Variants in VAV3 observed in about 807,000 individuals in gnomAD.
The protein encoded by VAV3 is vav guanine nucleotide exchange factor 3.
Under a neutral mutation model 131.2 loss-of-function variants are expected in VAV3, and 94 were observed. That is an observed-to-expected ratio of 0.72 (90% CI 0.61 to 0.85). The LOEUF is 0.85. Ranked by LOEUF, VAV3 falls within the 40% of genes least tolerant of loss-of-function variation. The probability of loss-of-function intolerance (pLI) is 0.00; values close to 1 mark genes in which losing one functional copy is unlikely to be tolerated. For synonymous variants in VAV3, 349 were observed against 342.0 expected (o/e 1.02, Z -0.22); for missense variants, 939 against 1,002.7 (o/e 0.94, Z 0.86).
At chr1:107,891,817 G>A (rs956261752) in intron 1 of VAV3, among the ~76,000 whole-genome samples, 3 of 141,428 alleles carry the variant, frequency 2.1e-5, no homozygotes, top group African/African-American at 8.0e-5. Context: ...CCAGCCTGGG[G>A]GACACAGCAA....
intron 11 of VAV3, among the ~76,000 whole-genome samples, chr1:107,756,981 T>C (rs184930692): frequency 6.6e-6 from 1 of 152,226 alleles, no homozygotes; most frequent in East Asian, 1.9e-4. Context: ...TTTAATATAC[T>C]TCTTAGTTTT....
At chr1:107,768,033 G>A (rs1664829836) in intron 7 of VAV3, among the ~76,000 whole-genome samples, 1 of 152,132 alleles carries the variant, frequency 6.6e-6, no homozygotes, top group Admixed American at 6.5e-5. Context: ...AAGATGTGGA[G>A]GAATGGAGGA....
intron 25 of VAV3, chr1:107,578,985 T>C: frequency 1.1e-6 from 1 of 885,486 alleles, no homozygotes; most frequent in Non-Finnish European, 1.4e-6. Context: ...AACCTATCTG[T>C]AATCTTAAAA....
At position 107,760,099 on chromosome 1, in the gene VAV3, C is replaced by T. The variant is rs554174353; in HGVS notation, c.1017+685G>A. 2.1e-4 allele frequency among the ~76,000 whole-genome samples: 32 copies of T among 152,172 alleles called. No homozygotes were observed. The East Asian group carries it at 2.5e-3, about 12-fold the overall frequency. ...ATATACAAGATATACAAAGCACAGC[C>T]GACGCAAAATTGTATTTCACATACA... On this transcript the variant is annotated intron_variant, in intron 10 of 26. Transcript: ENST00000370056.
chr1:107,604,036 A>G (rs1416744376), intron 22 of VAV3, among the ~76,000 whole-genome samples: 2 of 146,372 alleles, frequency 1.4e-5, no homozygotes, highest in Non-Finnish European at 1.5e-5. Flanking sequence ...AACTGTAATA[A>G]TAAAAGGCCA....
chr1:107,738,395 T>C (rs942217415), intron 15 of VAV3, among the ~76,000 whole-genome samples: 1 of 152,166 alleles, frequency 6.6e-6, no homozygotes, highest in Non-Finnish European at 1.5e-5. Flanking sequence ...CTTTTTACAA[T>C]GCAAACTTCA....
chr1:107,940,144 G>A (rs1399522804), intron 1 of VAV3, among the ~76,000 whole-genome samples: 1 of 152,186 alleles, frequency 6.6e-6, no homozygotes, highest in Non-Finnish European at 1.5e-5. Flanking sequence ...GGGTAGAATT[G>A]TAGAGGTTTT....
At chr1:107,689,872 T>C (rs1015073387) in intron 17 of VAV3, among the ~76,000 whole-genome samples, 5 of 152,194 alleles carry the variant, frequency 3.3e-5, no homozygotes, top group African/African-American at 9.7e-5. Context: ...TAGGGGAATT[T>C]GGGTTCTTGA....
chr1:107,796,645 T>C (rs1666560329), intron 2 of VAV3, among the ~76,000 whole-genome samples: 1 of 152,064 alleles, frequency 6.6e-6, no homozygotes, highest in African/African-American at 2.4e-5. Context: ...TAAATAAGGA[T>C]CAAATATTTG....
At chr1:107,757,001 C>G (rs562111889) in intron 11 of VAV3, among the ~76,000 whole-genome samples, 2 of 150,906 alleles carry the variant, frequency 1.3e-5, no homozygotes, top group African/African-American at 4.9e-5. Flanking sequence ...TATGCGTTGT[C>G]TAACAATTAA....
intron 24 of VAV3, among the ~76,000 whole-genome samples, chr1:107,596,735 CA>C (rs1370679210): frequency 6.6e-6 from 1 of 152,158 alleles, no homozygotes; most frequent in East Asian, 1.9e-4. Flanking sequence ...GAATATACAG[CA>C]ATTTCTACTT....
chr1:107,894,019 T>C (rs1272608743), intron 1 of VAV3, among the ~76,000 whole-genome samples: 2 of 152,174 alleles, frequency 1.3e-5, no homozygotes, highest in Non-Finnish European at 2.9e-5. Flanking sequence ...TGAAGGTAAG[T>C]AGCACCAAAC....
intron 2 of VAV3, among the ~76,000 whole-genome samples, chr1:107,781,479 T>A (rs929022703): frequency 1.3e-5 from 2 of 152,208 alleles, no homozygotes; most frequent in East Asian, 1.9e-4. Flanking sequence ...AATGTATACA[T>A]ATTTCAAACC....
intron 20 of VAV3, among the ~76,000 whole-genome samples, chr1:107,638,971 A>G (rs1356626909): frequency 6.6e-6 from 1 of 152,074 alleles, no homozygotes; most frequent in Non-Finnish European, 1.5e-5. Context: ...AGATATATAT[A>G]TACACACACA....
chr1:107,608,632 T>C (rs1652484859), intron 22 of VAV3, among the ~76,000 whole-genome samples: 1 of 152,100 alleles, frequency 6.6e-6, no homozygotes, highest in South Asian at 2.1e-4. Flanking sequence ...GGGTAGACAG[T>C]AACTACAGAA....
At chr1:107,677,254 C>T (rs922507867) in intron 19 of VAV3, among the ~76,000 whole-genome samples, 1 of 152,114 alleles carries the variant, frequency 6.6e-6, no homozygotes, top group East Asian at 1.9e-4. Context: ...TTAAGAATTA[C>T]TTTATCAATG....
intron 15 of VAV3, among the ~76,000 whole-genome samples, chr1:107,716,092 A>G (rs1661075387): frequency 6.6e-6 from 1 of 152,216 alleles, no homozygotes; most frequent in Non-Finnish European, 1.5e-5. Context: ...GTTTAAATCA[A>G]CATTCCATCC....
At chr1:107,774,104 T>C (rs1665202110) in intron 4 of VAV3, among the ~76,000 whole-genome samples, 1 of 152,304 alleles carries the variant, frequency 6.6e-6, no homozygotes, top group South Asian at 2.1e-4. Context: ...TCTCACTCTG[T>C]TGCCCAGGCT....
chr1:107,845,698 C>A (rs1225281883), intron 2 of VAV3, among the ~76,000 whole-genome samples: 1 of 151,912 alleles, frequency 6.6e-6, no homozygotes, highest in Non-Finnish European at 1.5e-5. Context: ...GAAAGGATAT[C>A]AGAGATTGAA....
Sources: gnomAD v4.1 joint callset for allele counts (sites outside exome capture counted in the v4.1 genomes callset) on GRCh38, gnomAD v4.1.1 for gene constraint, MANE v1.5 for transcripts, NCBI Gene and HGNC (gene_info 2026-07-23, HGNC 2026-07-21) for gene names.